USP36: variants seen among roughly 807,000 people sequenced by gnomAD.
USP36 encodes the protein ubiquitin carboxyl-terminal hydrolase 36.
A neutral mutation model predicts 111.5 loss-of-function variants in USP36; 59 were observed. That is an observed-to-expected ratio of 0.53 (90% CI 0.43 to 0.66). The LOEUF (loss-of-function observed/expected upper bound fraction) is 0.66, where lower values mean the gene tolerates loss of function less well. Ranked by LOEUF, USP36 falls within the 30% of genes least tolerant of loss-of-function variation. USP36 has a pLI of 0.00. For missense variants in USP36, 1,488 were observed against 1,468.0 expected (o/e 1.01, Z -0.22); for synonymous variants, 628 against 581.0 (o/e 1.08, Z -1.16).
chr17:78,836,456 T>C (rs534379058), intron 2 of USP36, 84 bp from the exon 3 acceptor site: 1 of 1,511,314 alleles, frequency 6.6e-7, no homozygotes, highest in East Asian at 2.3e-5. Context: ...CTTTGGTCAT[T>C]ATGGATGCTA....
intron 2 of USP36, among the ~76,000 whole-genome samples, chr17:78,837,756 T>C (rs1280496630): frequency 1.3e-5 from 2 of 152,196 alleles, no homozygotes; most frequent in African/African-American, 4.8e-5. Context: ...CTTCCTCTGG[T>C]ATTCAGTACC....
intron 3 of USP36, among the ~76,000 whole-genome samples, chr17:78,790,035 C>G (rs1427856637): frequency 6.6e-6 from 1 of 152,200 alleles, no homozygotes; most frequent in Non-Finnish European, 1.5e-5. Flanking sequence ...CTGGTAAGTG[C>G]TAGGCCTTGC....
At chr17:78,824,161 AGAG>A (rs1280534691) in intron 6 of USP36, among the ~76,000 whole-genome samples, 46 of 152,354 alleles carry the variant, frequency 3.0e-4, no homozygotes, top group South Asian at 1.2e-3. Context: ...GGAGCGCACC[AGAG>A]GTGCCAACTG....
chr17:78,804,450 A>G (rs1298532852), intron 15 of USP36, among the ~76,000 whole-genome samples: 1 of 140,992 alleles, frequency 7.1e-6, no homozygotes, highest in East Asian at 2.1e-4. Flanking sequence ...ACAAAGCAAG[A>G]CTCCGTCTCA....
chr17:78,809,839 T>C (rs1010478063), intron 13 of USP36, among the ~76,000 whole-genome samples: 1 of 152,076 alleles, frequency 6.6e-6, no homozygotes, highest in South Asian at 2.1e-4. Flanking sequence ...GGTCTTTCTA[T>C]GTTGCCCAGG....
At position 78,795,838 on chromosome 17, in the gene USP36, A is replaced by G. The variant is rs2093621190; in HGVS notation, c.*2062T>C. 1 of 152,060 alleles carries G rather than the reference A, an allele frequency of 6.6e-6. No individual in the cohort carries two copies. Among genetic ancestry groups the G allele is most frequent in the Non-Finnish European group, 1.5e-5 (1 of 68,060 alleles). The allele number at this position is 152,060 out of a possible 1,614,324, so 9.4% of individuals were successfully genotyped here. On this transcript the variant is annotated 3_prime_UTR_variant, in exon 21 of 21. Transcript: ENST00000449938. The surrounding 1 kb of genome is among the most constrained non-coding windows in gnomAD (Gnocchi z 4.5). Reference sequence around the variant, plus strand: ...GAGGTAGCTGCTGTACACAGGCCCCACTCCCTCCAGCTCCATTCCCAAGCA... The same window carrying G: ...GAGGTAGCTGCTGTACACAGGCCCCGCTCCCTCCAGCTCCATTCCCAAGCA...
chr17:78,835,765 C>T (rs944366792), intron 3 of USP36, among the ~76,000 whole-genome samples: 2 of 152,160 alleles, frequency 1.3e-5, no homozygotes, highest in East Asian at 1.9e-4. Context: ...GACTGAGTGG[C>T]GGAAGGAGCC....
At chr17:78,789,968 T>C (rs2093568780) in intron 3 of USP36, among the ~76,000 whole-genome samples, 1 of 152,238 alleles carries the variant, frequency 6.6e-6, no homozygotes, top group Admixed American at 6.5e-5. Context: ...AGTCACAAAG[T>C]ATGCTGCCTT....
rs2093627152 is a variant in USP36 at position 78,796,261 on chromosome 17, AG to A, written c.*1638del. The A allele has an allele frequency of 6.6e-6, 1 of 152,262 alleles. No homozygotes were observed. Among genetic ancestry groups the A allele is most frequent in the South Asian group, 2.1e-4 (1 of 4,822 alleles). 9.4% of individuals were successfully genotyped at this position (152,262 alleles called of 1,614,324 possible). On this transcript the variant is annotated 3_prime_UTR_variant, in exon 21 of 21. Transcript: ENST00000449938. ...GAACATCACACGGTAAACATGGCAGAGGGAACAGTTCACACAGGAATGCAAG... is the reference window on the plus strand; with the variant it reads ...GAACATCACACGGTAAACATGGCAGAGGAACAGTTCACACAGGAATGCAAG...
At chr17:78,789,102 C>G (rs553162981) in intron 3 of USP36, among the ~76,000 whole-genome samples, 33 of 145,192 alleles carry the variant, frequency 2.3e-4, no homozygotes, top group Non-Finnish European at 4.3e-4. Flanking sequence ...GAGGCTGAGG[C>G]AGAAGAATCA....
intron 4 of USP36, among the ~76,000 whole-genome samples, chr17:78,831,942 C>CAAAA (rs573258267): frequency 1.9e-4 from 15 of 77,178 alleles, no homozygotes; most frequent in East Asian, 3.9e-4. Flanking sequence ...GAGCTTGTCT[C>CAAAA]AAAAAAAAAA....
chr17:78,812,697 GAAAAAAAAAAA>G (rs572009070), intron 13 of USP36, among the ~76,000 whole-genome samples, 152 bp downstream of exon 13: 1 of 52,648 alleles, frequency 1.9e-5, no homozygotes, highest in Non-Finnish European at 4.1e-5. Flanking sequence ...ACTCTGTCTC[GAAAAAAAAAAA>G]AAAAAAAAAA....
intron 17 of USP36, among the ~76,000 whole-genome samples, 187 bp downstream of exon 17, chr17:78,802,137 C>G (rs1428360707): frequency 6.6e-6 from 1 of 150,854 alleles, no homozygotes; most frequent in African/African-American, 2.4e-5. Flanking sequence ...CCCCCAACCC[C>G]TCGCCTGGTG....
In USP36 at chr17:78,798,555, G is replaced by C; in HGVS notation, c.3241-4C>G. The C allele has an allele frequency of 6.2e-7, 1 of 1,611,336 alleles. No homozygotes were observed. The highest frequency in any genetic ancestry group is 8.5e-7 in the Non-Finnish European group (1 of 1,179,548). The stretch of plus-strand genomic sequence containing the variant: ...TAAATTTTTTAATTTTCTTTTCCTA[G>C]ACCAAGAATCACAGGCATCACAGTT... On this transcript the variant is annotated splice_region_variant and splice_polypyrimidine_tract_variant and intron_variant, in intron 19 of 20. Coordinates refer to ENST00000449938, the MANE Select transcript of USP36 (RefSeq NM_001385174.1). The surrounding 1 kb of genome is among the most constrained non-coding windows in gnomAD (Gnocchi z 5.1).
intron 6 of USP36, among the ~76,000 whole-genome samples, chr17:78,825,958 G>A (rs1218083896): frequency 6.6e-6 from 1 of 152,130 alleles, no homozygotes; most frequent in Non-Finnish European, 1.5e-5. Flanking sequence ...CGCTGCTGGG[G>A]TCCACTGTCT....
rs375492511 is a variant in USP36 at position 78,818,727 on chromosome 17, G to C, written c.963C>G (p.Ser321=). 3.4e-5 allele frequency: 55 copies of C among 1,613,926 alleles called. No homozygotes were observed. Among genetic ancestry groups the C allele is most frequent in the Non-Finnish European group, 4.5e-5 (53 of 1,179,936 alleles). Residue 321 remains serine (S), a synonymous_variant, in exon 10 of 21, where the codon TCC becomes TCG. Coordinates refer to ENST00000449938, the MANE Select transcript of USP36 (RefSeq NM_001385174.1). Reference sequence around the variant, plus strand: ...GCTTGAGGGAAAGGGTTAAGACGTTGGATGTTCTGTGGATGGTGAAGCGCT... The same window carrying C: ...GCTTGAGGGAAAGGGTTAAGACGTTCGATGTTCTGTGGATGGTGAAGCGCT... ...ASKRFTIHRT[S]NVLTLSLKRF... is the part of the protein sequence containing the mutation.
chr17:78,818,528 A>T (rs765901154), intron 10 of USP36, 139 bp downstream of exon 10: 3 of 709,038 alleles, frequency 4.2e-6, no homozygotes, highest in Non-Finnish European at 7.1e-6. Context: ...CTACTTCACA[A>T]TATGTGTAGA....
At chr17:78,820,083 TAAG>T in intron 8 of USP36, 71 bp from the exon 9 acceptor site, 2 of 1,538,790 alleles carry the variant, frequency 1.3e-6, no homozygotes. Flanking sequence ...ATGCCAAATT[TAAG>T]GTCTTTTTTA....
chr17:78,829,113 G>C, intron 4 of USP36, 106 bp from the exon 5 acceptor site: 1 of 896,368 alleles, frequency 1.1e-6, no homozygotes, highest in Non-Finnish European at 1.7e-6. Flanking sequence ...AAGCAGGTAA[G>C]AGCAAACCAG....
Sources: gnomAD v4.1 joint callset for allele counts (sites outside exome capture counted in the v4.1 genomes callset) on GRCh38, gnomAD v4.1.1 for gene constraint, Gnocchi (gnomAD v3.1) non-coding constraint, MANE v1.5 for transcripts, NCBI Gene and HGNC (gene_info 2026-07-23, HGNC 2026-07-21) for gene names.